The following PTPN3 variants were observed in gnomAD, a reference collection of about 807,000 sequenced individuals.
PTPN3 encodes protein tyrosine phosphatase non-receptor type 3.
A neutral mutation model predicts 132.7 loss-of-function variants in PTPN3; 96 were observed. That is an observed-to-expected ratio of 0.72 (90% CI 0.61 to 0.86). The LOEUF is 0.86. Ranked by LOEUF, PTPN3 falls within the 40% of genes least tolerant of loss-of-function variation. The pLI is 0.00. For synonymous variants in PTPN3, 398 were observed against 429.0 expected, an observed-to-expected ratio of 0.93 and a Z score of 0.89; for missense variants, 1,125 against 1,159.6, an observed-to-expected ratio of 0.97 and a Z score of 0.43.
intron 7 of PTPN3, among the ~76,000 whole-genome samples, chr9:109,439,826 T>A (rs1844324200): frequency 6.6e-6 from 1 of 152,040 alleles, no homozygotes; most frequent in South Asian, 2.1e-4. Flanking sequence ...TGAGAATCGC[T>A]TGAACCTGGA....
At chr9:109,459,413 C>T (rs990704960) in intron 2 of PTPN3, among the ~76,000 whole-genome samples, 2 of 152,264 alleles carry the variant, frequency 1.3e-5, no homozygotes, top group African/African-American at 4.8e-5. Flanking sequence ...AAGTTGCAAC[C>T]AGGCCCTCCA....
Position 109,377,488 on chromosome 9 carries a change from C to T in PTPN3, c.*2068G>A, listed in dbSNP as rs943728506. ...AGGTGAGGTGGCATGTGCCTATAGT[C>T]CCGGCTACTCAGGAGGCTGAGGTGC... On this transcript the variant is annotated 3_prime_UTR_variant, in exon 26 of 26. Transcript: ENST00000374541. 7 of 152,310 alleles carry T rather than the reference C, an allele frequency of 4.6e-5. No homozygotes were observed. Among genetic ancestry groups the T allele is most frequent in the South Asian group, 4.2e-4 (2 of 4,776 alleles). The allele number at this position is 152,310 out of a possible 1,614,324, so 9.4% of individuals were successfully genotyped here. A position where few individuals can be genotyped will look rare whatever the true frequency, so the allele number is the denominator to read the frequency against.
chr9:109,391,579 AAAAAAGCAAGCATTGC>A lies in PTPN3; in HGVS notation c.1954-34_1954-19del. 6.3e-7 allele frequency: 1 copy of A among 1,586,728 alleles called. No individual in the cohort carries two copies. Among genetic ancestry groups the A allele is most frequent in the East Asian group, 2.2e-5 (1 of 44,738 alleles). ...TAGAGTTGCTATGTGAGAAATAGAG[AAAAAAGCAAGCATTGC>A]AAAAATCAGATGAAGAAAGTGTGAA... On this transcript the variant is annotated intron_variant, in intron 19 of 25. Coordinates refer to ENST00000374541, the MANE Select transcript of PTPN3 (RefSeq NM_002829.4).
intron 14 of PTPN3, among the ~76,000 whole-genome samples, chr9:109,418,617 C>T (rs1588383670): frequency 6.6e-6 from 1 of 152,220 alleles, no homozygotes; most frequent in East Asian, 1.9e-4. Context: ...TAGATGAGTG[C>T]TGCTGACAAC....
rs373387477 is a variant in PTPN3 at position 109,422,816 on chromosome 9, G to T, written c.1038C>A (p.Gly346=). The T allele has an allele frequency of 3.1e-5, 50 of 1,612,836 alleles. No homozygotes were observed. The highest frequency in any genetic ancestry group is 3.9e-5 in the Non-Finnish European group (46 of 1,179,020). The change falls in exon 13 of 26, where the codon GGC becomes GGA. Residue 346 remains glycine (G), a synonymous_variant. Transcript: ENST00000374541. Reference sequence around the variant, plus strand: ...GCATGGCTGGGTTCCACACCATCCCGCCAATCACCTTTTTGCAATATTGGT... The same window carrying T: ...GCATGGCTGGGTTCCACACCATCCCTCCAATCACCTTTTTGCAATATTGGT... The part of the protein sequence containing the change: ...VNNQYCKKVI[G]GMVWNPAMRR...
At chr9:109,503,664 G>A in the PTPN3 span, among the ~76,000 whole-genome samples, 1 of 151,034 alleles carries the variant, frequency 6.6e-6, no homozygotes, top group Non-Finnish European at 1.5e-5. Context: ...AGCCAAGATT[G>A]CACCACTAAC....
At position 109,481,969 on chromosome 9, in the gene PTPN3, G is replaced by A. The variant is rs189239352; in HGVS notation, c.-18+16250C>T. On this transcript the variant is annotated intron_variant, in intron 1 of 25. Transcript: ENST00000374541. ...ACAGTCAGAAACTCCCCCGCCTTTCGGTCAGGTCCAAGATGCTGGCAGCTG... is the reference window on the plus strand; with the variant it reads ...ACAGTCAGAAACTCCCCCGCCTTTCAGTCAGGTCCAAGATGCTGGCAGCTG... 4.9e-3 allele frequency among the ~76,000 whole-genome samples: 747 copies of A among 152,298 alleles called. 4 individuals are homozygous for A. The highest frequency in any genetic ancestry group is 0.017 in the African/African-American group (713 of 41,558).
intron 14 of PTPN3, among the ~76,000 whole-genome samples, chr9:109,419,790 A>C (rs1842765472): frequency 6.6e-6 from 1 of 152,200 alleles, no homozygotes; most frequent in Non-Finnish European, 1.5e-5. Flanking sequence ...TGAATAACAA[A>C]AGCACTCAAC....
In PTPN3 at chr9:109,378,397, A is replaced by G. The variant is rs1838748314; in HGVS notation, c.*1159T>C. 6.6e-6 allele frequency: 1 copy of G among 152,662 alleles called. No individual in the cohort carries two copies. Among genetic ancestry groups the G allele is most frequent in the Non-Finnish European group, 1.5e-5 (1 of 68,048 alleles). The allele number at this position is 152,662 out of a possible 1,614,324, so 9.5% of individuals were successfully genotyped here. A position where few individuals can be genotyped will look rare whatever the true frequency, so the allele number is the denominator to read the frequency against. ...TTAACATCAGATTGTGTTTATATTC[A>G]GATAGTCTGATCCTCTCCTTTGAAA... On this transcript the variant is annotated 3_prime_UTR_variant, in exon 26 of 26. Coordinates refer to ENST00000374541, the MANE Select transcript of PTPN3 (RefSeq NM_002829.4).
chr9:109,465,008 T>G (rs1380502689), intron 1 of PTPN3, among the ~76,000 whole-genome samples: 1 of 152,250 alleles, frequency 6.6e-6, no homozygotes, highest in Non-Finnish European at 1.5e-5. Context: ...GTGTACTCAC[T>G]TTGTGACAAT....
intron 19 of PTPN3, among the ~76,000 whole-genome samples, chr9:109,400,171 C>T (rs1313848799): frequency 2.0e-5 from 3 of 151,924 alleles, no homozygotes; most frequent in African/African-American, 7.3e-5. Flanking sequence ...CAAGTGATCC[C>T]CCTGTTTTGG....
chr9:109,513,548 T>G, the PTPN3 span, among the ~76,000 whole-genome samples: 1 of 152,226 alleles, frequency 6.6e-6, no homozygotes, highest in Non-Finnish European at 1.5e-5. Context: ...TTTTCCTTAC[T>G]CATCCCCAGG....
At chr9:109,420,247 G>A (rs941780744) in intron 14 of PTPN3, among the ~76,000 whole-genome samples, 177 bp downstream of exon 14, 3 of 152,174 alleles carry the variant, frequency 2.0e-5, no homozygotes, top group Admixed American at 6.5e-5. Flanking sequence ...CACATAGACC[G>A]TCTTCCGGGT....
chr9:109,449,114 G>A, intron 5 of PTPN3: 4 of 1,289,816 alleles, frequency 3.1e-6, no homozygotes, highest in Non-Finnish European at 3.9e-6. Context: ...GAAGAGCTGA[G>A]CAGGGATGAA....
intron 19 of PTPN3, among the ~76,000 whole-genome samples, chr9:109,391,874 G>GC (rs953527422): frequency 6.6e-5 from 7 of 105,706 alleles, no homozygotes; most frequent in East Asian, 3.1e-4. Context: ...TAGATGTGGG[G>GC]GGGGGGGGGA....
the PTPN3 span, among the ~76,000 whole-genome samples, chr9:109,517,453 C>G: frequency 1.3e-5 from 2 of 152,308 alleles, no homozygotes; most frequent in South Asian, 4.2e-4. Context: ...CAGAGATCCT[C>G]TAACGGTACC....
the PTPN3 span, among the ~76,000 whole-genome samples, chr9:109,529,560 T>C: frequency 2.0e-5 from 3 of 152,264 alleles, no homozygotes; most frequent in African/African-American, 7.2e-5. Context: ...ATCTGTTCTC[T>C]ATCACTCAGA....
Position 109,404,485 on chromosome 9 carries a change from T to G in PTPN3, c.1916A>C (p.Lys639Thr). Residue 639 changes from lysine to threonine, a missense_variant, in exon 19 of 26, where the codon AAG (lysine) becomes ACG (threonine). Physicochemically the swap from Lys to Thr is moderately conservative, Grantham distance 78. Transcript: ENST00000374541. ...CAGCACCGTCCCGCTTTCGAGGCCCTTCTTTAGCTGTGCCATGGATCCCTC... is the reference window on the plus strand; with the variant it reads ...CAGCACCGTCCCGCTTTCGAGGCCCGTCTTTAGCTGTGCCATGGATCCCTC... ...TLEGSMAQLK[K>T]GLESGTVLIQ... 6.5e-7 allele frequency: 1 copy of G among 1,536,978 alleles called. No individual in the cohort carries two copies. Among genetic ancestry groups the G allele is most frequent in the Non-Finnish European group, 8.9e-7 (1 of 1,129,414 alleles).
intron 1 of PTPN3, among the ~76,000 whole-genome samples, chr9:109,470,814 CTGAAA>C (rs981121618): frequency 1.3e-5 from 2 of 152,070 alleles, no homozygotes; most frequent in African/African-American, 4.8e-5. Flanking sequence ...AAAATAGTGA[CTGAAA>C]TGAGACTTTC....
Sources: allele counts gnomAD v4.1 joint callset (sites outside exome capture counted in the v4.1 genomes callset), GRCh38; gene constraint gnomAD v4.1.1; transcripts MANE v1.5; gene names NCBI Gene and HGNC (gene_info 2026-07-23, HGNC 2026-07-21).